GSK3B: variants seen among roughly 807,000 people sequenced by gnomAD.
GSK3B encodes the protein glycogen synthase kinase 3 beta.
In GSK3B, 15 loss-of-function variants were observed where a neutral mutation model predicts 56.4. That is an observed-to-expected ratio of 0.27 (90% CI 0.18 to 0.41). The LOEUF (loss-of-function observed/expected upper bound fraction) is 0.41. GSK3B is among the 10% of genes least tolerant of loss of function. The probability of loss-of-function intolerance (pLI) is 1.00; values close to 1 mark genes in which losing one functional copy is unlikely to be tolerated. For missense variants in GSK3B, 300 were observed against 513.4 expected (o/e 0.58, Z 4.02); for synonymous variants, 181 against 188.9 (o/e 0.96, Z 0.34).
chr3:119,976,218 C>T (rs2057407232), intron 2 of GSK3B, among the ~76,000 whole-genome samples: 1 of 152,062 alleles, frequency 6.6e-6, no homozygotes, highest in South Asian at 2.1e-4. Context: ...TGATTCCATT[C>T]CTAGGAACAC....
chr3:119,943,421 A>G (rs2057069232), intron 3 of GSK3B, among the ~76,000 whole-genome samples: 1 of 152,230 alleles, frequency 6.6e-6, no homozygotes, highest in Non-Finnish European at 1.5e-5. Context: ...ATGAGGCAAG[A>G]GAAAAAAATC....
rs570283045 is a variant in GSK3B at position 119,924,727 on chromosome 3, T to C, written c.367-1244A>G. 3.5e-4 allele frequency among the ~76,000 whole-genome samples: 53 copies of C among 152,286 alleles called. 1 individual carries two copies. The South Asian group carries it at 0.011, about 32-fold the overall frequency. On this transcript the variant is annotated intron_variant, in intron 3 of 10. Coordinates refer to ENST00000264235, the MANE Select transcript of GSK3B (RefSeq NM_001146156.2). Reference sequence around the variant, plus strand: ...ATCATTATCCTCTCTAACACGAGAGTTAACAAACAACAGGAATAGTCTGCT... The same window carrying C: ...ATCATTATCCTCTCTAACACGAGAGCTAACAAACAACAGGAATAGTCTGCT...
intron 6 of GSK3B, among the ~76,000 whole-genome samples, chr3:119,906,465 A>G (rs2056683381): frequency 6.6e-6 from 1 of 152,126 alleles, no homozygotes; most frequent in African/African-American, 2.4e-5. Context: ...TGAAAACCTC[A>G]ATCCGGAGAG....
intron 1 of GSK3B, among the ~76,000 whole-genome samples, chr3:120,010,750 C>G (rs1042412735): frequency 6.6e-6 from 1 of 151,418 alleles, no homozygotes; most frequent in Non-Finnish European, 1.5e-5. Flanking sequence ...AAGGGAGACC[C>G]TGTCTCTAAA....
chr3:120,034,820 G>A (rs1280435887), intron 1 of GSK3B, among the ~76,000 whole-genome samples: 1 of 152,148 alleles, frequency 6.6e-6, no homozygotes, highest in Non-Finnish European at 1.5e-5. Context: ...GGCCAGGAGA[G>A]GTCGAGGTAA....
In GSK3B at chr3:119,826,134, CT is replaced by C. The variant is rs543387816; in HGVS notation, c.*653del. 3.0e-5 allele frequency: 7 copies of C among 234,420 alleles called. No individual in the cohort carries two copies. In the South Asian group the frequency reaches 6.1e-4, roughly 21 times the overall value. 14.5% of individuals were successfully genotyped at this position (234,420 alleles called of 1,614,324 possible). ...GCACTAACTGAGAGCAAAACAAAAC[CT>C]TAACAAATCTACTAAGAATCTTCCC... On this transcript the variant is annotated 3_prime_UTR_variant, in exon 11 of 11. Coordinates refer to ENST00000264235, the MANE Select transcript of GSK3B (RefSeq NM_001146156.2).
intron 2 of GSK3B, among the ~76,000 whole-genome samples, chr3:119,997,566 C>T (rs1438599742): frequency 1.3e-5 from 2 of 152,172 alleles, no homozygotes; most frequent in African/African-American, 4.8e-5. Context: ...AACTAATCTG[C>T]AAATTTTACA....
intron 1 of GSK3B, among the ~76,000 whole-genome samples, chr3:120,044,917 T>C (rs2058091023): frequency 6.6e-6 from 1 of 152,250 alleles, no homozygotes; most frequent in Non-Finnish European, 1.5e-5. Context: ...TACAGCTTTA[T>C]CCAATGAATT....
intron 1 of GSK3B, among the ~76,000 whole-genome samples, chr3:120,057,232 T>G (rs1363440608): frequency 6.6e-6 from 1 of 152,182 alleles, no homozygotes; most frequent in Non-Finnish European, 1.5e-5. Flanking sequence ...AATCAACAAT[T>G]TTTTTTAAAT....
At position 119,936,938 on chromosome 3, in the gene GSK3B, A is replaced by G. The variant is rs183319905; in HGVS notation, c.366+10330T>C. Among the ~76,000 whole-genome samples, 233 of 152,174 alleles carry G rather than the reference A, an allele frequency of 1.5e-3. 2 individuals carry two copies. Among genetic ancestry groups the G allele is most frequent in the Middle Eastern group, 3.4e-3 (1 of 294 alleles). On this transcript the variant is annotated intron_variant, in intron 3 of 10. Transcript: ENST00000264235. ...GCCACCCCCAAATAGCAGAGAACACATTATTTTGCACCTGAGCATAGGTCT... is the reference window on the plus strand; with the variant it reads ...GCCACCCCCAAATAGCAGAGAACACGTTATTTTGCACCTGAGCATAGGTCT...
At chr3:119,989,391 C>T (rs567438824) in intron 2 of GSK3B, among the ~76,000 whole-genome samples, 4 of 152,128 alleles carry the variant, frequency 2.6e-5, no homozygotes, top group Admixed American at 2.0e-4. Flanking sequence ...GCCTGTAATC[C>T]CAGCATTTTG....
At chr3:119,885,728 G>C (rs2056428857) in intron 7 of GSK3B, among the ~76,000 whole-genome samples, 1 of 152,066 alleles carries the variant, frequency 6.6e-6, no homozygotes, top group Non-Finnish European at 1.5e-5. Flanking sequence ...GAACAGAACA[G>C]AGAACCCAGA....
Position 119,832,969 on chromosome 3 carries a change from T to G in GSK3B, c.1196-6114A>C, listed in dbSNP as rs573975276. ...CATTTTTTGTTTTGTTTGTTTGTTT[T>G]TTTCAGATTCTCAAGAGATCTGTAA... On this transcript the variant is annotated intron_variant, in intron 10 of 10. Transcript: ENST00000264235. 1.8e-5 allele frequency: 18 copies of G among 983,746 alleles called. No homozygotes were observed. The South Asian group carries it at 7.1e-4, about 39-fold the overall frequency. 60.9% of individuals were successfully genotyped at this position (983,746 alleles called of 1,614,324 possible).
intron 10 of GSK3B, among the ~76,000 whole-genome samples, chr3:119,834,640 T>TGG (rs1343071188): frequency 1.3e-5 from 2 of 152,158 alleles, no homozygotes; most frequent in Non-Finnish European, 2.9e-5. Context: ...ACATTTTCAC[T>TGG]GTTCCTTTAA....
intron 1 of GSK3B, among the ~76,000 whole-genome samples, chr3:120,018,412 A>C (rs568305241): frequency 3.9e-5 from 6 of 152,288 alleles, no homozygotes; most frequent in African/African-American, 1.4e-4. Context: ...CAACTGCAGG[A>C]CTTGAATATG....
At chr3:120,076,270 G>A (rs1258938393) in intron 1 of GSK3B, among the ~76,000 whole-genome samples, 1 of 152,102 alleles carries the variant, frequency 6.6e-6, no homozygotes, top group Admixed American at 6.6e-5. Context: ...AGAAAACATA[G>A]GGAGAAATCT....
chr3:119,982,550 A>G (rs1185362138), intron 2 of GSK3B, among the ~76,000 whole-genome samples: 1 of 152,230 alleles, frequency 6.6e-6, no homozygotes, highest in East Asian at 1.9e-4. Context: ...ATCATGGCAC[A>G]AGAACGTCAT....
chr3:119,865,860 GTATA>G (rs2056176789), intron 8 of GSK3B, among the ~76,000 whole-genome samples: 1 of 151,918 alleles, frequency 6.6e-6, no homozygotes, highest in Non-Finnish European at 1.5e-5. Context: ...ATTTATTAGC[GTATA>G]TTTGTCAGGG....
intron 2 of GSK3B, among the ~76,000 whole-genome samples, chr3:119,968,206 G>C (rs1277213314): frequency 6.6e-6 from 1 of 151,860 alleles, no homozygotes; most frequent in Non-Finnish European, 1.5e-5. Context: ...ATGTTGCCCA[G>C]GGTGGTCTCA....
Sources: gnomAD v4.1 joint callset for allele counts (sites outside exome capture counted in the v4.1 genomes callset) on GRCh38, gnomAD v4.1.1 for gene constraint, MANE v1.5 for transcripts, NCBI Gene and HGNC (gene_info 2026-07-23, HGNC 2026-07-21) for gene names.